Variants in CTNND2 observed in about 807,000 individuals in gnomAD.
CTNND2 encodes the protein catenin delta 2.
A neutral mutation model predicts 144.4 loss-of-function variants in CTNND2; 22 were observed. The observed-to-expected ratio is 0.15, with a 90% CI of 0.11 to 0.22. The LOEUF (loss-of-function observed/expected upper bound fraction) is 0.22. CTNND2 is among the 10% of genes least tolerant of loss of function. CTNND2 has a pLI of 1.00. For synonymous variants in CTNND2, 751 were observed against 695.6 expected (o/e 1.08, Z -1.25); for missense variants, 1,353 against 1,618.8 (o/e 0.84, Z 2.82).
chr5:11,470,976 ATATATTTTTTTT>A (rs1390020715), intron 3 of CTNND2, among the ~76,000 whole-genome samples: 6 of 95,186 alleles, frequency 6.3e-5, no homozygotes, highest in Admixed American at 2.9e-4. Flanking sequence ...ATATATATAT[ATATATTTTTTTT>A]TTTTTTTTAG....
chr5:11,802,854 C>G (rs1200719550), intron 1 of CTNND2, among the ~76,000 whole-genome samples: 1 of 152,044 alleles, frequency 6.6e-6, no homozygotes, highest in Non-Finnish European at 1.5e-5. Context: ...GAGCATGTGC[C>G]TAGGAAATAT....
intron 18 of CTNND2, among the ~76,000 whole-genome samples, chr5:11,011,126 C>T (rs1741033755): frequency 6.6e-6 from 1 of 152,200 alleles, no homozygotes; most frequent in East Asian, 1.9e-4. Context: ...GGTTTCTAAC[C>T]CCATTGCTTG....
intron 1 of CTNND2, among the ~76,000 whole-genome samples, chr5:11,739,567 A>T (rs1449102918): frequency 6.6e-6 from 1 of 152,204 alleles, no homozygotes; most frequent in Non-Finnish European, 1.5e-5. Flanking sequence ...AGAGCTATTT[A>T]TGACAAACCC....
intron 1 of CTNND2, among the ~76,000 whole-genome samples, chr5:11,752,892 A>C (rs1004060030): frequency 2.0e-5 from 3 of 151,120 alleles, no homozygotes; most frequent in African/African-American, 7.3e-5. Context: ...GAGATCTTTC[A>C]CCTCCCTGGT....
At chr5:11,828,837 C>T (rs1793740484) in intron 1 of CTNND2, among the ~76,000 whole-genome samples, 1 of 152,108 alleles carries the variant, frequency 6.6e-6, no homozygotes. Flanking sequence ...GTTTGAAGGG[C>T]TCATTAGGCA....
chr5:11,354,031 G>C (rs1315000878), intron 8 of CTNND2, among the ~76,000 whole-genome samples: 6 of 152,118 alleles, frequency 3.9e-5, no homozygotes, highest in Non-Finnish European at 1.5e-5. Flanking sequence ...ACTCATCACA[G>C]GACAAGAGAG....
At chr5:11,312,533 G>T (rs1051225970) in intron 9 of CTNND2, among the ~76,000 whole-genome samples, 1 of 152,088 alleles carries the variant, frequency 6.6e-6, no homozygotes, top group South Asian at 2.1e-4. Flanking sequence ...GGATGGGAAA[G>T]ACCGGCCCCC....
chr5:11,022,748 T>C (rs1742403385), intron 17 of CTNND2, 21 bp downstream of exon 17: 1 of 1,598,352 alleles, frequency 6.3e-7, no homozygotes, highest in Non-Finnish European at 8.6e-7. Flanking sequence ...GACAGAGATA[T>C]GGCGTCACCA....
At chr5:11,036,408 C>T (rs181893882) in intron 16 of CTNND2, among the ~76,000 whole-genome samples, 15 of 152,232 alleles carry the variant, frequency 9.9e-5, no homozygotes, top group Admixed American at 4.6e-4. Context: ...TCTGCACCCC[C>T]ACAGTCAAAC....
rs79158609 is a variant in CTNND2, at chr5:11,831,854, G to C, written c.37+71963C>G. Among the ~76,000 whole-genome samples, 326 of 152,136 alleles carry C rather than the reference G, an allele frequency of 2.1e-3. 1 individual carries two copies. The highest frequency in any genetic ancestry group is 3.6e-3 in the Non-Finnish European group (244 of 68,014). ...CTCATATCACTTCCAAAAACTTCAA[G>C]TTAATCATAGATCTAATGTAAAAGT... On this transcript the variant is annotated intron_variant, in intron 1 of 21. Coordinates refer to ENST00000304623, the MANE Select transcript of CTNND2 (RefSeq NM_001332.4).
At chr5:11,642,391 A>G (rs1441083000) in intron 2 of CTNND2, among the ~76,000 whole-genome samples, 1 of 152,222 alleles carries the variant, frequency 6.6e-6, no homozygotes, top group Non-Finnish European at 1.5e-5. Flanking sequence ...GGGGGTTGCA[A>G]TTTGAAGCAG....
At chr5:11,843,667 A>G (rs1358223592) in intron 1 of CTNND2, among the ~76,000 whole-genome samples, 1 of 152,226 alleles carries the variant, frequency 6.6e-6, no homozygotes, top group Non-Finnish European at 1.5e-5. Context: ...ATTACAAGTT[A>G]AAGCTACAAT....
At chr5:11,160,152 C>T (rs936762059) in intron 11 of CTNND2, among the ~76,000 whole-genome samples, 1 of 152,292 alleles carries the variant, frequency 6.6e-6, no homozygotes, top group East Asian at 1.9e-4. Context: ...TTGTCTTACC[C>T]AAGACCTCAG....
intron 9 of CTNND2, among the ~76,000 whole-genome samples, chr5:11,271,820 G>A (rs955937183): frequency 1.3e-5 from 2 of 152,070 alleles, no homozygotes; most frequent in African/African-American, 4.8e-5. Context: ...GAGCGGGTGT[G>A]GGGGAAGGTT....
chr5:11,145,177 T>A (rs1561379138), intron 12 of CTNND2, among the ~76,000 whole-genome samples: 2 of 152,170 alleles, frequency 1.3e-5, no homozygotes, highest in African/African-American at 2.4e-5. Context: ...TAACCATTTT[T>A]AAACGTTCAG....
Position 10,973,426 on chromosome 5 carries a change from G to A in CTNND2, c.*27C>T. ...CTTGTGGTATGCATGCACATGCACT[G>A]TTCCCGGAGCGCCTGTGCCCTGCTC... On this transcript the variant is annotated 3_prime_UTR_variant, in exon 22 of 22. Transcript: ENST00000304623. This position sits in a 1 kb window ranked among gnomAD's most constrained non-coding sequence, Gnocchi z 5.6. 6.5e-7 allele frequency: 1 copy of A among 1,542,588 alleles called. No individual in the cohort carries two copies. The highest frequency in any genetic ancestry group is 8.7e-7 in the Non-Finnish European group (1 of 1,145,952).
intron 8 of CTNND2, among the ~76,000 whole-genome samples, chr5:11,348,437 CAAAAAAA>C (rs3034056): frequency 2.4e-4 from 27 of 114,718 alleles, no homozygotes; most frequent in African/African-American, 6.4e-4. Flanking sequence ...AAATCAAGGG[CAAAAAAA>C]AAAAAAAAAA....
At chr5:11,223,120 A>G (rs905409686) in intron 10 of CTNND2, among the ~76,000 whole-genome samples, 3 of 151,472 alleles carry the variant, frequency 2.0e-5, no homozygotes, top group Non-Finnish European at 4.4e-5. Context: ...CTGCCACCCC[A>G]TATCTTTGCA....
rs533021083 is a variant in CTNND2, at chr5:11,541,845, C to G, written c.287+23099G>C. Among the ~76,000 whole-genome samples, 82 of 144,200 alleles carry G rather than the reference C, an allele frequency of 5.7e-4. 1 individual carries two copies. Among genetic ancestry groups the G allele is most frequent in the East Asian group, 8.3e-4 (4 of 4,828 alleles). The allele number at this position is 144,200 out of a possible 152,430, so 94.6% of individuals were successfully genotyped here. A position where few individuals can be genotyped will look rare whatever the true frequency, so the allele number is the denominator to read the frequency against. ...ACTTATTATTTATTATCGACCCCCCCCCCCCGGCCAAAAGCCTTTTCCAAC... is the reference window on the plus strand; with the variant it reads ...ACTTATTATTTATTATCGACCCCCCGCCCCCGGCCAAAAGCCTTTTCCAAC... On this transcript the variant is annotated intron_variant, in intron 3 of 21. Coordinates refer to ENST00000304623, the MANE Select transcript of CTNND2 (RefSeq NM_001332.4).
Sources: allele counts gnomAD v4.1 joint callset (sites outside exome capture counted in the v4.1 genomes callset), GRCh38; gene constraint gnomAD v4.1.1; non-coding constraint Gnocchi (gnomAD v3.1); transcripts MANE v1.5; gene names NCBI Gene and HGNC (gene_info 2026-07-23, HGNC 2026-07-21).